The following EFCAB11 variants were observed in gnomAD, a reference collection of about 807,000 sequenced individuals.
The protein encoded by EFCAB11 is EF-hand calcium-binding domain-containing protein 11.
In EFCAB11, 14 loss-of-function variants were observed where a neutral mutation model predicts 23.0. The observed-to-expected ratio is 0.61, with a 90% CI of 0.40 to 0.95. The LOEUF is 0.95. EFCAB11 is among the 40% of genes least tolerant of loss of function. The pLI is 0.00. For synonymous variants in EFCAB11, 65 were observed against 66.6 expected (o/e 0.98, Z 0.11); for missense variants, 198 against 195.8 (o/e 1.01, Z -0.07).
chr14:89,889,135 C>T (rs904833319), intron 5 of EFCAB11, among the ~76,000 whole-genome samples: 1 of 152,122 alleles, frequency 6.6e-6, no homozygotes, highest in Non-Finnish European at 1.5e-5. Flanking sequence ...AATTAAGAGC[C>T]ATGAAACAAC....
chr14:89,903,793 A>G (rs10144087), intron 5 of EFCAB11, among the ~76,000 whole-genome samples: 3,941 of 152,266 alleles, frequency 0.026, 192 homozygotes, highest in African/African-American at 0.089. Context: ...GAACTTTGAA[A>G]TGCATTAAAA....
chr14:89,947,664 C>T lies in EFCAB11; in HGVS notation c.217+2433G>A, dbSNP rs1191786972. 2.0e-5 allele frequency among the ~76,000 whole-genome samples: 3 copies of T among 152,192 alleles called. No homozygotes were observed. In the South Asian group the frequency reaches 6.2e-4, roughly 32 times the overall value. On this transcript the variant is annotated intron_variant, in intron 3 of 5. Coordinates refer to ENST00000316738, the MANE Select transcript of EFCAB11 (RefSeq NM_145231.4). ...ACCTTCCTCATTAAAATATCTACTT[C>T]TCTTGGCTTTTGATCAAACACTCTT...
chr14:89,916,066 T>C (rs1319178891), intron 5 of EFCAB11, among the ~76,000 whole-genome samples: 2 of 151,938 alleles, frequency 1.3e-5, no homozygotes, highest in South Asian at 2.1e-4. Context: ...CTCCGATCTC[T>C]GCACAGTGAA....
At chr14:89,929,250 C>A (rs72697358) in intron 5 of EFCAB11, among the ~76,000 whole-genome samples, 28,448 of 151,722 alleles carry the variant, frequency 0.19, 3,097 homozygotes, top group South Asian at 0.32. Context: ...GACAGGGTCT[C>A]TGTTGCCCAG....
At chr14:89,885,271 G>A (rs1476044143) in intron 5 of EFCAB11, among the ~76,000 whole-genome samples, 1 of 152,100 alleles carries the variant, frequency 6.6e-6, no homozygotes, top group Non-Finnish European at 1.5e-5. Context: ...AGTTAAATAA[G>A]ACCTTTAAAA....
intron 5 of EFCAB11, among the ~76,000 whole-genome samples, chr14:89,817,803 G>A (rs1418185675): frequency 1.3e-5 from 2 of 152,078 alleles, no homozygotes; most frequent in Non-Finnish European, 2.9e-5. Flanking sequence ...AGACCAGCCT[G>A]GCCAACATGG....
chr14:89,928,743 T>C (rs2139802596), intron 5 of EFCAB11, among the ~76,000 whole-genome samples: 1 of 138,204 alleles, frequency 7.2e-6, no homozygotes, highest in South Asian at 2.4e-4. Flanking sequence ...ATATAACTGA[T>C]TATATTAATT....
chr14:89,904,514 TG>T, intron 5 of EFCAB11, among the ~76,000 whole-genome samples: 1 of 152,298 alleles, frequency 6.6e-6, no homozygotes, highest in East Asian at 1.9e-4. Context: ...CTGGGTCAAA[TG>T]GTATTTCTAG....
At chr14:89,850,086 T>G (rs757732376) in intron 5 of EFCAB11, among the ~76,000 whole-genome samples, 2 of 152,094 alleles carry the variant, frequency 1.3e-5, no homozygotes, top group African/African-American at 2.4e-5. Context: ...CCACCCCTAC[T>G]AGACTACCCC....
intron 5 of EFCAB11, among the ~76,000 whole-genome samples, chr14:89,891,346 C>T (rs1355041809): frequency 6.6e-6 from 1 of 152,128 alleles, no homozygotes; most frequent in Non-Finnish European, 1.5e-5. Flanking sequence ...GAATAGAAAA[C>T]TATAAGATGT....
intron 5 of EFCAB11, among the ~76,000 whole-genome samples, chr14:89,872,655 A>T (rs949182018): frequency 1.3e-5 from 2 of 152,150 alleles, no homozygotes; most frequent in African/African-American, 4.8e-5. Flanking sequence ...TGAAGTCCTA[A>T]CCTCCCAGCA....
intron 5 of EFCAB11, among the ~76,000 whole-genome samples, chr14:89,925,200 TCAAAGGAA>T (rs1890151104): frequency 6.6e-6 from 1 of 151,944 alleles, no homozygotes; most frequent in Non-Finnish European, 1.5e-5. Context: ...CATCACATAA[TCAAAGGAA>T]CAAGTACCAC....
At chr14:89,834,090 C>T (rs1395384551) in intron 5 of EFCAB11, among the ~76,000 whole-genome samples, 1 of 151,966 alleles carries the variant, frequency 6.6e-6, no homozygotes, top group African/African-American at 2.4e-5. Flanking sequence ...TGTGGTGGCT[C>T]ACACCTGTAA....
upstream of EFCAB11, chr14:89,954,774 G>C (rs1008855867): frequency 2.1e-6 from 3 of 1,448,086 alleles, no homozygotes; most frequent in East Asian, 4.9e-5. Context: ...GAACTTCACC[G>C]CGCAACTCCG....
chr14:89,837,765 A>T (rs972490655), intron 5 of EFCAB11, among the ~76,000 whole-genome samples: 4 of 151,830 alleles, frequency 2.6e-5, no homozygotes, highest in Non-Finnish European at 5.9e-5. Flanking sequence ...CTGAAAAGAC[A>T]TGGGGTCTGA....
At chr14:89,945,776 T>C (rs984246058) in intron 3 of EFCAB11, among the ~76,000 whole-genome samples, 2 of 152,170 alleles carry the variant, frequency 1.3e-5, no homozygotes, top group Admixed American at 6.5e-5. Context: ...CCTATATCCT[T>C]ATTGATTTTA....
chr14:89,892,438 G>A, intron 5 of EFCAB11: 1 of 1,559,078 alleles, frequency 6.4e-7, no homozygotes, highest in Non-Finnish European at 8.7e-7. Context: ...GCCCATGCCA[G>A]TGTTGACTCT....
At position 89,932,588 on chromosome 14, in the gene EFCAB11, T is replaced by A; in HGVS notation, c.257A>T (p.Lys86Met). The change falls in exon 4 of 6, where the codon AAG becomes ATG. Residue 86 changes from lysine to methionine, a missense_variant. Transcript: ENST00000316738. The part of the protein sequence containing the change: ...LEGFLNIVRK[K>M]KEAQRYRNEV... ...GTTCCGATATCGTTGAGCTTCCTTC[T>A]TTTTCCTGACAATATTTAAAAACCC... The A allele has an allele frequency of 6.2e-7, 1 of 1,613,764 alleles. No individual in the cohort carries two copies. Among genetic ancestry groups the A allele is most frequent in the Middle Eastern group, 1.7e-4 (1 of 6,052 alleles).
intron 3 of EFCAB11, among the ~76,000 whole-genome samples, chr14:89,937,510 T>C (rs1890626156): frequency 6.6e-6 from 1 of 152,126 alleles, no homozygotes; most frequent in African/African-American, 2.4e-5. Context: ...TAAAATGGAC[T>C]CTCTTCATGT....
Sources: gnomAD v4.1 joint callset for allele counts (sites outside exome capture counted in the v4.1 genomes callset) on GRCh38, gnomAD v4.1.1 for gene constraint, MANE v1.5 for transcripts, NCBI Gene and HGNC (gene_info 2026-07-23, HGNC 2026-07-21) for gene names.